REV3L: variants seen among roughly 807,000 people sequenced by gnomAD.
REV3L encodes DNA polymerase zeta catalytic subunit.
In REV3L, 69 loss-of-function variants were observed where a neutral mutation model predicts 299.4. The ratio of observed to expected loss-of-function variants is 0.23; its 90% CI spans 0.19 to 0.28. The LOEUF (loss-of-function observed/expected upper bound fraction) is 0.28. Among genes scored for constraint, REV3L ranks in the 10% least tolerant of loss-of-function variants. REV3L has a pLI of 1.00. For synonymous variants in REV3L, 1,238 were observed against 1,271.4 expected, an observed-to-expected ratio of 0.97 and a Z score of 0.56; for missense variants, 3,128 against 3,693.8, an observed-to-expected ratio of 0.85 and a Z score of 3.97.
intron 1 of REV3L, among the ~76,000 whole-genome samples, chr6:111,464,364 ACAC>A (rs1309514304): frequency 2.0e-5 from 3 of 152,226 alleles, no homozygotes; most frequent in Non-Finnish European, 4.4e-5. Flanking sequence ...CTACTGGCAA[ACAC>A]TAGGCTTGGA....
chr6:111,442,686 T>C (rs1788410030), intron 1 of REV3L, among the ~76,000 whole-genome samples: 1 of 152,228 alleles, frequency 6.6e-6, no homozygotes, highest in Non-Finnish European at 1.5e-5. Flanking sequence ...TTGCTCATTT[T>C]TTTCCCCTAA....
Position 111,335,606 on chromosome 6 carries a change from T to C in REV3L, c.7543A>G (p.Lys2515Glu). 2 of 1,607,936 alleles carry C rather than the reference T, an allele frequency of 1.2e-6. No homozygotes were observed. Among genetic ancestry groups the C allele is most frequent in the Non-Finnish European group, 1.7e-6 (2 of 1,177,588 alleles). Residue 2515 changes from lysine (K) to glutamate (E), a missense_variant, in exon 22 of 32, where the codon AAA (lysine) becomes GAA (glutamate). This residue lies in a region of REV3L where 149 missense variants were observed against 286.4 expected (regional missense o/e 0.52). Transcript: ENST00000368802. ...FDNKTDLYRW[K>E]MVDHYVSRVR... ...CGGCTAACATAATGATCAACCATTT[T>C]CCATCTGTTAAAAAAGAATCCACAT...
intron 31 of REV3L, among the ~76,000 whole-genome samples, chr6:111,301,055 G>A (rs957766108): frequency 2.6e-5 from 4 of 152,222 alleles, no homozygotes; most frequent in Non-Finnish European, 5.9e-5. Context: ...CCGGGAAAAC[G>A]AATGCATTCT....
At chr6:111,327,109 A>G (rs1413098418) in intron 25 of REV3L, among the ~76,000 whole-genome samples, 4 of 152,214 alleles carry the variant, frequency 2.6e-5, no homozygotes, top group Non-Finnish European at 5.9e-5. Flanking sequence ...CTAAACTTCC[A>G]CTGCTAGTTC....
chr6:111,432,381 C>T lies in REV3L; in HGVS notation c.140-15909G>A, dbSNP rs1787042511. 3.3e-5 allele frequency among the ~76,000 whole-genome samples: 5 copies of T among 152,200 alleles called. No homozygotes were observed. The South Asian group carries it at 8.3e-4, about 25-fold the overall frequency. On this transcript the variant is annotated intron_variant, in intron 1 of 31. Transcript: ENST00000368802. The stretch of plus-strand genomic sequence containing the variant: ...AAAGGCTGAAAAAAGATATTCCATG[C>T]AACTGGAAACAAAAGCAGGAGTAGC...
chr6:111,483,630 G>A (rs765284759), upstream of REV3L: 9 of 438,736 alleles, frequency 2.1e-5, no homozygotes, highest in Non-Finnish European at 4.1e-5. Context: ...TCCAGCAGAG[G>A]AGGCGGGGGC....
At chr6:111,304,189 C>T (rs1439696259) in intron 31 of REV3L, among the ~76,000 whole-genome samples, 1 of 145,216 alleles carries the variant, frequency 6.9e-6, no homozygotes, top group African/African-American at 2.6e-5. Flanking sequence ...GTAAAATCTC[C>T]TGTTTGGATG....
At chr6:111,318,820 G>C (rs1246196226) in intron 26 of REV3L, among the ~76,000 whole-genome samples, 1 of 151,882 alleles carries the variant, frequency 6.6e-6, no homozygotes, top group African/African-American at 2.4e-5. Flanking sequence ...TCTGCCCAAA[G>C]TGCTGGGATT....
At chr6:111,326,385 T>C (rs1218415508) in intron 25 of REV3L, among the ~76,000 whole-genome samples, 1 of 151,958 alleles carries the variant, frequency 6.6e-6, no homozygotes, top group Non-Finnish European at 1.5e-5. Context: ...ATTAGAGAAA[T>C]GCAAATCAAA....
chr6:111,396,888 C>T (rs993016787), intron 4 of REV3L, among the ~76,000 whole-genome samples: 15 of 152,098 alleles, frequency 9.9e-5, no homozygotes, highest in African/African-American at 2.9e-4. Flanking sequence ...CAAAAATGTA[C>T]ACATTCCCTC....
rs79693743 is a variant in REV3L, at chr6:111,319,468, GA to G, written c.8351+3100del. The stretch of plus-strand genomic sequence containing the variant: ...GCGGCAGAGCGAGATTCTGTCTCAG[GA>G]AAAAAAAAAAAAAGTTTCTGCTAGG... On this transcript the variant is annotated intron_variant, in intron 26 of 31. Coordinates refer to ENST00000368802, the MANE Select transcript of REV3L (RefSeq NM_001372078.1). Among the ~76,000 whole-genome samples, 280 of 138,576 alleles carry G rather than the reference GA, an allele frequency of 2.0e-3. 3 individuals carry two copies. The highest frequency in any genetic ancestry group is 0.015 in the Middle Eastern group (4 of 272). The allele number at this position is 138,576 out of a possible 152,430, so 90.9% of individuals were successfully genotyped here.
At chr6:111,472,292 TA>T (rs537442735) in intron 1 of REV3L, among the ~76,000 whole-genome samples, 1 of 152,248 alleles carries the variant, frequency 6.6e-6, no homozygotes, top group African/African-American at 2.4e-5. Flanking sequence ...ATTTAGTATA[TA>T]AATTACTTTG....
intron 1 of REV3L, among the ~76,000 whole-genome samples, chr6:111,438,014 A>ATTTTTTTTTT (rs113741430): frequency 4.8e-5 from 7 of 146,650 alleles, no homozygotes; most frequent in Non-Finnish European, 9.0e-5. Context: ...CACCTGCCTA[A>ATTTTTTTTTT]TTTTTTTTTT....
chr6:111,385,703 C>T (rs1169176785), intron 9 of REV3L, among the ~76,000 whole-genome samples: 2 of 151,312 alleles, frequency 1.3e-5, no homozygotes, highest in Non-Finnish European at 2.9e-5. Context: ...GGAGAGAAAA[C>T]ATCTCTACAA....
intron 2 of REV3L, among the ~76,000 whole-genome samples, chr6:111,413,370 A>G (rs1239855325): frequency 6.6e-6 from 1 of 152,120 alleles, no homozygotes; most frequent in African/African-American, 2.4e-5. Context: ...TTTTTTAAGT[A>G]TATCAATAGG....
chr6:111,390,761 T>C (rs1582813792), intron 5 of REV3L, among the ~76,000 whole-genome samples: 1 of 152,192 alleles, frequency 6.6e-6, no homozygotes, highest in East Asian at 1.9e-4. Flanking sequence ...CTAGGAAAAG[T>C]AATGATATCA....
chr6:111,386,351 T>C (rs1781342005), intron 9 of REV3L, among the ~76,000 whole-genome samples: 1 of 152,190 alleles, frequency 6.6e-6, no homozygotes, highest in Non-Finnish European at 1.5e-5. Context: ...ATAAAGATGC[T>C]CGACATCAGT....
At position 111,390,856 on chromosome 6, in the gene REV3L, G is replaced by C. The variant is rs112862470; in HGVS notation, c.663-676C>G. Among the ~76,000 whole-genome samples, 1,116 of 152,078 alleles carry C rather than the reference G, an allele frequency of 7.3e-3. 13 individuals are homozygous for C. Among genetic ancestry groups the C allele is most frequent in the African/African-American group, 0.026 (1,062 of 41,482 alleles). ...TCAAAAGCATTTGCTTTTCATCAGTGCCCCAAAAGAGAAGATAAAGAAGAC... is the reference window on the plus strand; with the variant it reads ...TCAAAAGCATTTGCTTTTCATCAGTCCCCCAAAAGAGAAGATAAAGAAGAC... On this transcript the variant is annotated intron_variant, in intron 5 of 31. Coordinates refer to ENST00000368802, the MANE Select transcript of REV3L (RefSeq NM_001372078.1).
At chr6:111,472,773 T>C (rs915999778) in intron 1 of REV3L, among the ~76,000 whole-genome samples, 15 of 151,484 alleles carry the variant, frequency 9.9e-5, no homozygotes, top group African/African-American at 2.9e-4. Context: ...AAACACAAGA[T>C]CATCTGGAAA....
Sources: gnomAD v4.1 joint callset for allele counts (sites outside exome capture counted in the v4.1 genomes callset) on GRCh38, gnomAD v4.1.1 for gene constraint, gnomAD v4.1.1 regional missense constraint, MANE v1.5 for transcripts, NCBI Gene and HGNC (gene_info 2026-07-23, HGNC 2026-07-21) for gene names.